AFF1: variants seen among roughly 807,000 people sequenced by gnomAD.
AFF1 encodes AF4/FMR2 family member 1.
AFF1 carries 48 observed loss-of-function variants against 121.7 expected under a neutral mutation model. That is an observed-to-expected ratio of 0.39 (90% CI 0.31 to 0.50). AFF1 has a LOEUF of 0.50. Ranked by LOEUF, AFF1 falls within the 20% of genes least tolerant of loss-of-function variation. The pLI is 0.76. For missense variants in AFF1, 1,523 were observed against 1,511.7 expected (o/e 1.01, Z -0.12); for synonymous variants, 613 against 563.0 (o/e 1.09, Z -1.26).
At chr4:87,108,430 G>C (rs1233213852) in intron 11 of AFF1, 115 bp downstream of exon 11, 2 of 1,160,936 alleles carry the variant, frequency 1.7e-6, no homozygotes, top group Non-Finnish European at 2.4e-6. Flanking sequence ...CTGTCCCATG[G>C]GGCAATGCTT....
At chr4:87,016,520 C>T (rs574497292) in intron 2 of AFF1, among the ~76,000 whole-genome samples, 2 of 151,302 alleles carry the variant, frequency 1.3e-5, no homozygotes, top group South Asian at 2.1e-4. Flanking sequence ...CCACTGCACT[C>T]CAGCCTGGGT....
At position 87,137,746 on chromosome 4, in the gene AFF1, A is replaced by C. The variant is rs1304120950; in HGVS notation, c.*2045A>C. 8.6e-6 allele frequency: 2 copies of C among 232,496 alleles called. No individual in the cohort carries two copies. The highest frequency in any genetic ancestry group is 1.7e-5 in the Non-Finnish European group (2 of 117,658). 14.4% of individuals were successfully genotyped at this position (232,496 alleles called of 1,614,324 possible). ...TTATATGTAAAGGACAAGGCACCAG[A>C]ATCAGGCTTTATTTCGATATTGAAG... On this transcript the variant is annotated 3_prime_UTR_variant, in exon 21 of 21. Transcript: ENST00000395146.
At chr4:87,103,573 T>C (rs1315152884) in intron 8 of AFF1, among the ~76,000 whole-genome samples, 2 of 152,210 alleles carry the variant, frequency 1.3e-5, no homozygotes, top group African/African-American at 4.8e-5. Flanking sequence ...GTAGGCTTAT[T>C]TTGTTACTAT....
intron 4 of AFF1, chr4:87,047,975 T>C (rs955920124): frequency 1.6e-5 from 4 of 251,880 alleles, no homozygotes; most frequent in Non-Finnish European, 3.1e-5. Flanking sequence ...TTCAGGTGTC[T>C]TATTTATTGT....
chr4:87,087,973 A>G (rs1723905783), intron 5 of AFF1, among the ~76,000 whole-genome samples: 1 of 152,236 alleles, frequency 6.6e-6, no homozygotes, highest in Admixed American at 6.5e-5. Context: ...TTCTTTTAAA[A>G]CTGGACTTTT....
chr4:87,000,627 G>C (rs1560529888), intron 2 of AFF1, among the ~76,000 whole-genome samples: 2 of 150,900 alleles, frequency 1.3e-5, no homozygotes, highest in African/African-American at 4.9e-5. Context: ...GTGTGTGTGT[G>C]TGTGTGTGTG....
At position 87,135,737 on chromosome 4, in the gene AFF1, T is replaced by G; in HGVS notation, c.*36T>G. ...GGTTGATTCAATGCCTTGGGAACTA[T>G]TTTTGCACATTGGAAGCCTCAAAAA... On this transcript the variant is annotated 3_prime_UTR_variant, in exon 21 of 21. Coordinates refer to ENST00000395146, the MANE Select transcript of AFF1 (RefSeq NM_001166693.3). 6.3e-7 allele frequency: 1 copy of G among 1,592,382 alleles called. No individual in the cohort carries two copies. Among genetic ancestry groups the G allele is most frequent in the Non-Finnish European group, 8.6e-7 (1 of 1,168,078 alleles).
At chr4:87,076,317 C>G (rs1181061477) in intron 4 of AFF1, among the ~76,000 whole-genome samples, 1 of 152,134 alleles carries the variant, frequency 6.6e-6, no homozygotes, top group Admixed American at 6.6e-5. Flanking sequence ...TATAGAGATT[C>G]TGCAGTTAGG....
At chr4:87,115,361 ATCTTT>A in intron 12 of AFF1, 62 bp downstream of exon 12, 2 of 1,432,582 alleles carry the variant, frequency 1.4e-6, no homozygotes, top group Non-Finnish European at 1.8e-6. Flanking sequence ...GCCTGGCGGT[ATCTTT>A]GATCGGCCTT....
intron 2 of AFF1, among the ~76,000 whole-genome samples, chr4:86,979,201 C>T (rs1723538244): frequency 6.6e-6 from 1 of 152,108 alleles, no homozygotes; most frequent in Non-Finnish European, 1.5e-5. Flanking sequence ...GAGTTCAAGT[C>T]ATTCTCCTGC....
intron 8 of AFF1, among the ~76,000 whole-genome samples, chr4:87,097,120 G>A (rs1300509925): frequency 6.6e-6 from 1 of 152,206 alleles, no homozygotes; most frequent in East Asian, 1.9e-4. Context: ...ATGGTTGGTT[G>A]TCAAGCCCTG....
chr4:87,036,169 G>A (rs1729545155), intron 2 of AFF1, among the ~76,000 whole-genome samples: 1 of 152,150 alleles, frequency 6.6e-6, no homozygotes, highest in Non-Finnish European at 1.5e-5. Flanking sequence ...TAACTAGTCA[G>A]GTGACAGACT....
chr4:87,084,610 A>G (rs1419022399), intron 5 of AFF1, among the ~76,000 whole-genome samples: 3 of 151,454 alleles, frequency 2.0e-5, no homozygotes, highest in Non-Finnish European at 4.4e-5. Context: ...ATAAAAAATA[A>G]AGAACAGTTG....
chr4:87,074,983 A>C (rs1053320339), intron 4 of AFF1, among the ~76,000 whole-genome samples: 1 of 152,170 alleles, frequency 6.6e-6, no homozygotes, highest in African/African-American at 2.4e-5. Context: ...AGATCAAAAC[A>C]AAATTTCCAG....
At position 87,041,785 on chromosome 4, in the gene AFF1, T is replaced by A. The variant is rs115369316; in HGVS notation, c.39-4381T>A. Among the ~76,000 whole-genome samples the A allele has an allele frequency of 9.6e-3, 1,464 of 152,126 alleles. 12 individuals carry two copies. The highest frequency in any genetic ancestry group is 0.016 in the Non-Finnish European group (1,118 of 67,990). ...ATCTCAACACTTTAGGAGACTGAGGTGGGTGGATCACTTGAGGTCAGGAGT... is the reference window on the plus strand; with the variant it reads ...ATCTCAACACTTTAGGAGACTGAGGAGGGTGGATCACTTGAGGTCAGGAGT... On this transcript the variant is annotated intron_variant, in intron 2 of 20. Transcript: ENST00000395146.
Position 87,132,334 on chromosome 4 carries a change from G to C in AFF1, c.3237G>C (p.Lys1079Asn), listed in dbSNP as rs1239404459. Residue 1079 changes from lysine to asparagine, a missense_variant, in exon 19 of 21, where the codon AAG (lysine) becomes AAC (asparagine). Physicochemically the swap from Lys to Asn is moderately conservative, Grantham distance 94. This residue lies in a region of AFF1 where 241 missense variants were observed against 265.2 expected (regional missense o/e 0.91). Transcript: ENST00000395146. Reference sequence around the variant, plus strand: ...GTTGTAAAAAAGACATAGCAATAAAGTATTCTCGTACTCTTAATAAACACT... The same window carrying C: ...GTTGTAAAAAAGACATAGCAATAAACTATTCTCGTACTCTTAATAAACACT... ...MFRCKKDIAIKYSRTLNKHFE... is the reference protein window; with the variant it reads ...MFRCKKDIAINYSRTLNKHFE... The C allele has an allele frequency of 1.9e-6, 3 of 1,613,176 alleles. No individual in the cohort carries two copies.
At position 87,127,632 on chromosome 4, in the gene AFF1, C is replaced by G; in HGVS notation, c.2904-11C>G. ...TCATATGACCTGTCCCTGGTTTTTC[C>G]TCTTTTTCAGACAACAAGCAGACCT... On this transcript the variant is annotated splice_polypyrimidine_tract_variant and intron_variant, in intron 15 of 20. Coordinates refer to ENST00000395146, the MANE Select transcript of AFF1 (RefSeq NM_001166693.3). 6.2e-7 allele frequency: 1 copy of G among 1,613,856 alleles called. No individual in the cohort carries two copies.
chr4:87,135,841 TAA>T lies in AFF1; in HGVS notation c.*142_*143del. 1 of 1,290,298 alleles carries T rather than the reference TAA, an allele frequency of 7.8e-7. No homozygotes were observed. The highest frequency in any genetic ancestry group is 1.0e-6 in the Non-Finnish European group (1 of 970,014). 79.9% of individuals were successfully genotyped at this position (1,290,298 alleles called of 1,614,324 possible). On this transcript the variant is annotated 3_prime_UTR_variant, in exon 21 of 21. Transcript: ENST00000395146. ...GAGATGGCCAGGACATTTGTCCACT[TAA>T]ACTCTCAACAACAGTGTGATCATTG...
Position 87,081,310 on chromosome 4 carries a change from C to T in AFF1, c.1060-2810C>T, listed in dbSNP as rs181511273. Reference sequence around the variant, plus strand: ...CCTAGTAGCTGGGACTACAGGCATCCGCCACCACGCCTGGCTAATTTTTTG... The same window carrying T: ...CCTAGTAGCTGGGACTACAGGCATCTGCCACCACGCCTGGCTAATTTTTTG... On this transcript the variant is annotated intron_variant, in intron 4 of 20. Coordinates refer to ENST00000395146, the MANE Select transcript of AFF1 (RefSeq NM_001166693.3). Among the ~76,000 whole-genome samples, 787 of 151,640 alleles carry T rather than the reference C, an allele frequency of 5.2e-3. 2 individuals carry two copies. Among genetic ancestry groups the T allele is most frequent in the Non-Finnish European group, 6.5e-3 (439 of 67,874 alleles).
Sources: gnomAD v4.1 joint callset for allele counts (sites outside exome capture counted in the v4.1 genomes callset) on GRCh38, gnomAD v4.1.1 for gene constraint, gnomAD v4.1.1 regional missense constraint, MANE v1.5 for transcripts, NCBI Gene and HGNC (gene_info 2026-07-23, HGNC 2026-07-21) for gene names.